Variants in NOS1AP observed in about 807,000 individuals in gnomAD.
NOS1AP encodes nitric oxide synthase 1 adaptor protein.
Under a neutral mutation model 56.2 loss-of-function variants are expected in NOS1AP, and 21 were observed. The observed-to-expected ratio is 0.37, with a 90% CI of 0.26 to 0.54. The LOEUF is 0.54. Among genes scored for constraint, NOS1AP ranks in the 20% least tolerant of loss-of-function variants. The pLI is 0.84. For missense variants in NOS1AP, 522 were observed against 657.8 expected (o/e 0.79, Z 2.26); for synonymous variants, 270 against 274.6 (o/e 0.98, Z 0.17).
chr1:162,347,723 G>A (rs347273), intron 6 of NOS1AP, among the ~76,000 whole-genome samples: 126,720 of 152,124 alleles, frequency 0.83, 53,095 homozygotes, highest in East Asian at 0.93. Context: ...ACTCAGTGGG[G>A]ATTCCATAAG....
At chr1:162,074,258 A>C (rs1691725555) in intron 1 of NOS1AP, among the ~76,000 whole-genome samples, 1 of 152,204 alleles carries the variant, frequency 6.6e-6, no homozygotes, top group South Asian at 2.1e-4. Context: ...GCCATACATT[A>C]TTCTAGCCTC....
chr1:162,317,954 G>A (rs1571214609), intron 4 of NOS1AP, among the ~76,000 whole-genome samples: 1 of 152,130 alleles, frequency 6.6e-6, no homozygotes, highest in Non-Finnish European at 1.5e-5. Context: ...GCAGGGAAAG[G>A]CTTAGCTACT....
At chr1:162,298,541 T>A (rs1045134844) in intron 3 of NOS1AP, among the ~76,000 whole-genome samples, 5 of 152,194 alleles carry the variant, frequency 3.3e-5, no homozygotes. Context: ...GGTAATAAGG[T>A]GGCATCCTAC....
intron 2 of NOS1AP, among the ~76,000 whole-genome samples, chr1:162,262,051 G>A (rs566142369): frequency 6.6e-6 from 1 of 152,282 alleles, no homozygotes; most frequent in South Asian, 2.1e-4. Flanking sequence ...TATAGAGAAA[G>A]TAGTAGATGA....
intron 1 of NOS1AP, among the ~76,000 whole-genome samples, chr1:162,139,602 A>G (rs1649146877): frequency 6.6e-6 from 1 of 152,138 alleles, no homozygotes; most frequent in Non-Finnish European, 1.5e-5. Context: ...CAGTGGAATA[A>G]CCCTTTGTAG....
intron 2 of NOS1AP, among the ~76,000 whole-genome samples, chr1:162,190,279 G>C (rs1411213754): frequency 1.3e-5 from 2 of 152,098 alleles, no homozygotes; most frequent in Non-Finnish European, 2.9e-5. Context: ...AACATCTCTA[G>C]TTTTATCAGC....
chr1:162,349,053 G>A (rs1185865912), intron 6 of NOS1AP, among the ~76,000 whole-genome samples: 2 of 152,162 alleles, frequency 1.3e-5, no homozygotes, highest in Admixed American at 1.3e-4. Flanking sequence ...TGGGTGTGGT[G>A]GCGCATGCCT....
Position 162,321,731 on chromosome 1 carries a change from A to AAAAATAT in NOS1AP, c.345-11285_345-11284insAAATATA, listed in dbSNP as rs1480278757. On this transcript the variant is annotated intron_variant, in intron 4 of 9. Coordinates refer to ENST00000361897, the MANE Select transcript of NOS1AP (RefSeq NM_014697.3). Reference sequence around the variant, plus strand: ...CTTAAAGTATAATTAAAAAAAAAAAAATATATATATATATATATATAAAAG... The same window carrying AAAAATAT: ...CTTAAAGTATAATTAAAAAAAAAAAAAAAATATATATATATATATATATATATAAAAG... 2.1e-3 allele frequency among the ~76,000 whole-genome samples: 274 copies of AAAAATAT among 128,450 alleles called. 4 individuals are homozygous for AAAAATAT. The highest frequency in any genetic ancestry group is 7.0e-3 in the African/African-American group (242 of 34,520). 84.3% of individuals were successfully genotyped at this position (128,450 alleles called of 152,430 possible).
intron 2 of NOS1AP, among the ~76,000 whole-genome samples, chr1:162,175,507 C>T (rs1393694273): frequency 3.9e-5 from 6 of 152,182 alleles, no homozygotes. Flanking sequence ...CTTTCTGGCA[C>T]TACACAGTAC....
intron 2 of NOS1AP, among the ~76,000 whole-genome samples, chr1:162,263,697 C>T (rs1217488500): frequency 6.6e-6 from 1 of 152,162 alleles, no homozygotes; most frequent in Non-Finnish European, 1.5e-5. Context: ...CTGTTTCTGG[C>T]TTAGACTTCT....
In NOS1AP at chr1:162,366,898, AG is replaced by A. The variant is rs1658104313; in HGVS notation, c.1106-151del. The A allele has an allele frequency of 5.6e-5, 45 of 808,156 alleles. 1 individual carries two copies. The East Asian group carries it at 1.1e-3, about 20-fold the overall frequency. 50.1% of individuals were successfully genotyped at this position (808,156 alleles called of 1,614,324 possible). A position where few individuals can be genotyped will look rare whatever the true frequency, so the allele number is the denominator to read the frequency against. ...CTGGAGCTATGTGGGGGCGGGAGGAAGGGTGAAGTGTTAAGAGACCCAAAGC... is the reference window on the plus strand; with the variant it reads ...CTGGAGCTATGTGGGGGCGGGAGGAAGGTGAAGTGTTAAGAGACCCAAAGC... On this transcript the variant is annotated intron_variant, in intron 9 of 9. Coordinates refer to ENST00000361897, the MANE Select transcript of NOS1AP (RefSeq NM_014697.3).
chr1:162,096,086 C>G (rs1382120181), intron 1 of NOS1AP, among the ~76,000 whole-genome samples: 4 of 152,186 alleles, frequency 2.6e-5, no homozygotes, highest in African/African-American at 7.2e-5. Flanking sequence ...CTACCACTAG[C>G]ATTTAAGGAG....
intron 1 of NOS1AP, among the ~76,000 whole-genome samples, chr1:162,107,160 A>G (rs893353543): frequency 1.8e-4 from 28 of 152,314 alleles, no homozygotes; most frequent in African/African-American, 6.7e-4. Context: ...TGTCTAAGAA[A>G]TAAGAGAATA....
chr1:162,180,378 G>T (rs1053866899), intron 2 of NOS1AP, among the ~76,000 whole-genome samples: 1 of 152,010 alleles, frequency 6.6e-6, no homozygotes, highest in Non-Finnish European at 1.5e-5. Flanking sequence ...CTGAGTAGCT[G>T]GGACCACAGG....
chr1:162,231,196 C>T (rs1376504158), intron 2 of NOS1AP, among the ~76,000 whole-genome samples: 1 of 152,174 alleles, frequency 6.6e-6, no homozygotes, highest in African/African-American at 2.4e-5. Context: ...TGTAAAGTGG[C>T]ATCTCCTTAT....
chr1:162,237,124 C>G (rs1007368312), intron 2 of NOS1AP, among the ~76,000 whole-genome samples: 1 of 152,206 alleles, frequency 6.6e-6, no homozygotes, highest in African/African-American at 2.4e-5. Flanking sequence ...TTCTTTGTAG[C>G]AGGAACTCCC....
At chr1:162,135,270 C>T (rs916523508) in intron 1 of NOS1AP, among the ~76,000 whole-genome samples, 11 of 152,156 alleles carry the variant, frequency 7.2e-5, no homozygotes, top group African/African-American at 9.6e-5. Context: ...TATTGGTTGC[C>T]GGCTGATGGA....
At chr1:162,327,753 A>C (rs1168691647) in intron 4 of NOS1AP, among the ~76,000 whole-genome samples, 1 of 152,242 alleles carries the variant, frequency 6.6e-6, no homozygotes, top group Non-Finnish European at 1.5e-5. Context: ...GGGCATAGAA[A>C]ATATTTATCC....
intron 2 of NOS1AP, among the ~76,000 whole-genome samples, chr1:162,251,857 GT>G (rs771192069): frequency 0.026 from 2,592 of 100,288 alleles, 46 homozygotes; most frequent in Non-Finnish European, 0.032. Flanking sequence ...CTAGCTAGTT[GT>G]TTTTTTTTTT....
Sources: gnomAD v4.1 joint callset for allele counts (sites outside exome capture counted in the v4.1 genomes callset) on GRCh38, gnomAD v4.1.1 for gene constraint, MANE v1.5 for transcripts, NCBI Gene and HGNC (gene_info 2026-07-23, HGNC 2026-07-21) for gene names.